Variants in AGAP1 observed in about 807,000 individuals in gnomAD.
AGAP1 encodes ArfGAP with GTPase domain, ankyrin repeat and PH domain 1.
AGAP1 carries 29 observed loss-of-function variants against 105.3 expected under a neutral mutation model. The ratio of observed to expected loss-of-function variants is 0.28; its 90% CI spans 0.21 to 0.38. AGAP1 has a LOEUF of 0.38. Ranked by LOEUF, AGAP1 falls within the 10% of genes least tolerant of loss-of-function variation. AGAP1 has a pLI of 1.00. For missense variants in AGAP1, 998 were observed against 1,165.1 expected (o/e 0.86, Z 2.09); for synonymous variants, 509 against 485.9 (o/e 1.05, Z -0.63).
chr2:235,797,676 G>T (rs576060271), intron 6 of AGAP1, 83 bp from the exon 7 acceptor site: 4 of 1,542,028 alleles, frequency 2.6e-6, no homozygotes, highest in South Asian at 2.3e-5. Flanking sequence ...AACAGATTTC[G>T]ACAACAGACT....
At chr2:235,685,634 C>G (rs750515491) in intron 1 of AGAP1, among the ~76,000 whole-genome samples, 1 of 151,868 alleles carries the variant, frequency 6.6e-6, no homozygotes, top group Non-Finnish European at 1.5e-5. Flanking sequence ...GTTTTCAAAA[C>G]ACAATGAAAA....
Position 235,919,503 on chromosome 2 carries a change from C to A in AGAP1, c.1324+10597C>A, listed in dbSNP as rs765150971. Among the ~76,000 whole-genome samples the A allele has an allele frequency of 2.0e-5, 3 of 152,126 alleles. No individual in the cohort carries two copies. Among genetic ancestry groups the A allele is most frequent in the Non-Finnish European group, 4.4e-5 (3 of 68,030 alleles). On this transcript the variant is annotated intron_variant, in intron 11 of 17. Coordinates refer to ENST00000304032, the MANE Select transcript of AGAP1 (RefSeq NM_001037131.3). This position sits in a 1 kb window ranked among gnomAD's most constrained non-coding sequence, Gnocchi z 4.1. ...TGTGAGCCCGGGGTACTCCTTGGTGCTTTGTCTTCCCTGTGTCATTGCTGG... is the reference window on the plus strand; with the variant it reads ...TGTGAGCCCGGGGTACTCCTTGGTGATTTGTCTTCCCTGTGTCATTGCTGG...
chr2:235,941,866 C>T (rs765951155), intron 12 of AGAP1, among the ~76,000 whole-genome samples: 1 of 151,758 alleles, frequency 6.6e-6, no homozygotes, highest in Non-Finnish European at 1.5e-5. Flanking sequence ...GTAAGAAGGG[C>T]GGACACTGAA....
chr2:235,807,308 G>C lies in AGAP1; in HGVS notation c.1027G>C (p.Gly343Arg). 1 of 1,597,926 alleles carries C rather than the reference G, an allele frequency of 6.3e-7. No homozygotes were observed. Among genetic ancestry groups the C allele is most frequent in the Non-Finnish European group, 8.5e-7 (1 of 1,175,728 alleles). ...GAGTCGTGCGGACAGCATTGGGAGC[G>C]GCCGAGCCATCCCAATTAAACAGGT... ...LESRADSIGS[G>R]RAIPIKQGML... The change falls in exon 9 of 18, where the codon GGC (glycine) becomes CGC (arginine). Residue 343 changes from glycine (G) to arginine (R), a missense_variant. Coordinates refer to ENST00000304032, the MANE Select transcript of AGAP1 (RefSeq NM_001037131.3).
chr2:236,106,531 G>C (rs1267479298), intron 16 of AGAP1, among the ~76,000 whole-genome samples: 1 of 152,228 alleles, frequency 6.6e-6, no homozygotes, highest in East Asian at 1.9e-4. Flanking sequence ...TCCCAAGTAG[G>C]CAGTGAAAAG....
At chr2:235,803,786 C>T (rs555388111) in intron 8 of AGAP1, among the ~76,000 whole-genome samples, 57 of 152,092 alleles carry the variant, frequency 3.7e-4, no homozygotes, top group African/African-American at 1.3e-3. Context: ...CTGTATTAGT[C>T]CAAATTATAT....
chr2:235,642,096 G>C lies in AGAP1; in HGVS notation c.164-67083G>C, dbSNP rs963360069. 5.9e-5 allele frequency among the ~76,000 whole-genome samples: 9 copies of C among 152,240 alleles called. No individual in the cohort carries two copies. The highest frequency in any genetic ancestry group is 1.3e-4 in the Non-Finnish European group (9 of 68,048). On this transcript the variant is annotated intron_variant, in intron 1 of 17. Transcript: ENST00000304032. The surrounding 1 kb of genome is among the most constrained non-coding windows in gnomAD (Gnocchi z 4.1). ...TCAGGTCCCAGGGGTGCACATGCCTGTGTTTTTACCTTACTTCCCCAGGGG... is the reference window on the plus strand; with the variant it reads ...TCAGGTCCCAGGGGTGCACATGCCTCTGTTTTTACCTTACTTCCCCAGGGG...
intron 13 of AGAP1, among the ~76,000 whole-genome samples, chr2:236,004,502 A>G (rs970088352): frequency 3.3e-5 from 5 of 152,238 alleles, no homozygotes; most frequent in African/African-American, 9.6e-5. Flanking sequence ...AATTTCAAGC[A>G]GTGTTCTGCG....
intron 1 of AGAP1, among the ~76,000 whole-genome samples, chr2:235,540,367 G>A (rs1438462552): frequency 6.6e-6 from 1 of 152,032 alleles, no homozygotes; most frequent in African/African-American, 2.4e-5. Flanking sequence ...TGACCAGGCT[G>A]GTCTCAAACT....
rs1957051365 is a variant in AGAP1, at chr2:235,792,696, A to G, written c.674-5063A>G. Among the ~76,000 whole-genome samples the G allele has an allele frequency of 6.6e-6, 1 of 152,222 alleles. No homozygotes were observed. Among genetic ancestry groups the G allele is most frequent in the African/African-American group, 2.4e-5 (1 of 41,472 alleles). On this transcript the variant is annotated intron_variant, in intron 6 of 17. Coordinates refer to ENST00000304032, the MANE Select transcript of AGAP1 (RefSeq NM_001037131.3). The surrounding 1 kb of genome is among the most constrained non-coding windows in gnomAD (Gnocchi z 5.3). ...TCCATGGTGAAGAGCGGGTTGTGCC[A>G]TCGACTGAGCTAGAAAACAGACGAG...
chr2:235,583,595 G>A lies in AGAP1; in HGVS notation c.163+88746G>A, dbSNP rs1176810267. On this transcript the variant is annotated intron_variant, in intron 1 of 17. Transcript: ENST00000304032. ...TTTTTGGTAAAGATAGGGTCTCAGA[G>A]GTTTGGTGTGGTGGCTCATGCCTGT... Among the ~76,000 whole-genome samples, 7 of 149,352 alleles carry A rather than the reference G, an allele frequency of 4.7e-5. No homozygotes were observed. In the East Asian group the frequency reaches 1.2e-3, roughly 25 times the overall value.
rs756182907 is a variant in AGAP1, at chr2:235,900,289, C to T, written c.1156-8449C>T. 6.6e-6 allele frequency among the ~76,000 whole-genome samples: 1 copy of T among 152,152 alleles called. No homozygotes were observed. Among genetic ancestry groups the T allele is most frequent in the Non-Finnish European group, 1.5e-5 (1 of 68,044 alleles). The stretch of plus-strand genomic sequence containing the variant: ...TCTTGATAGTCTGGGTCAGTCACTC[C>T]AGCCAACACTGTAACTTCCTTCTTA... On this transcript the variant is annotated intron_variant, in intron 10 of 17. Coordinates refer to ENST00000304032, the MANE Select transcript of AGAP1 (RefSeq NM_001037131.3). This position sits in a 1 kb window ranked among gnomAD's most constrained non-coding sequence, Gnocchi z 5.5.
rs2051031011 is a variant in AGAP1 at position 235,900,814 on chromosome 2, A to G, written c.1156-7924A>G. On this transcript the variant is annotated intron_variant, in intron 10 of 17. Coordinates refer to ENST00000304032, the MANE Select transcript of AGAP1 (RefSeq NM_001037131.3). The surrounding 1 kb of genome is among the most constrained non-coding windows in gnomAD (Gnocchi z 5.5). ...ATTGGCCAGGTGCCTTCCTCCTGCC[A>G]TGGCTGCTGGTCACTGTCATGCACT... Among the ~76,000 whole-genome samples the G allele has an allele frequency of 1.3e-5, 2 of 152,228 alleles. No individual in the cohort carries two copies. Among genetic ancestry groups the G allele is most frequent in the Admixed American group, 6.5e-5 (1 of 15,284 alleles).
chr2:235,590,160 C>T (rs1051492257), intron 1 of AGAP1, among the ~76,000 whole-genome samples: 4 of 152,194 alleles, frequency 2.6e-5, no homozygotes, highest in Non-Finnish European at 5.9e-5. Flanking sequence ...GGATTCCAGG[C>T]GTGAGCCACC....
chr2:235,820,938 C>G (rs1958753691), intron 9 of AGAP1, among the ~76,000 whole-genome samples: 1 of 152,198 alleles, frequency 6.6e-6, no homozygotes, highest in Admixed American at 6.5e-5. Context: ...TGGAAATGCA[C>G]TGCTATAGTC....
intron 12 of AGAP1, among the ~76,000 whole-genome samples, chr2:235,954,256 A>G (rs968780403): frequency 1.5e-5 from 2 of 137,288 alleles, no homozygotes; most frequent in Non-Finnish European, 3.2e-5. Context: ...AAAAAAAAAA[A>G]TCAGAGGGAC....
rs1952109152 is a variant in AGAP1, at chr2:235,734,200, C to G, written c.311-6763C>G. Among the ~76,000 whole-genome samples, 1 of 152,210 alleles carries G rather than the reference C, an allele frequency of 6.6e-6. No individual in the cohort carries two copies. Among genetic ancestry groups the G allele is most frequent in the Non-Finnish European group, 1.5e-5 (1 of 68,046 alleles). On this transcript the variant is annotated intron_variant, in intron 3 of 17. Coordinates refer to ENST00000304032, the MANE Select transcript of AGAP1 (RefSeq NM_001037131.3). The surrounding 1 kb of genome is among the most constrained non-coding windows in gnomAD (Gnocchi z 5.3). ...TTTGCAGATTTTCTCCCGATGTCAT[C>G]ATGGCACTCAGTAACAAGGAATATT... is the stretch of plus-strand genomic sequence containing the variant.
At chr2:235,784,362 A>G (rs543360043) in intron 6 of AGAP1, among the ~76,000 whole-genome samples, 1 of 152,230 alleles carries the variant, frequency 6.6e-6, no homozygotes, top group African/African-American at 2.4e-5. Context: ...AGAAAAGAAT[A>G]CTTTGACTTC....
At position 235,872,668 on chromosome 2, in the gene AGAP1, G is replaced by A. The variant is rs891910444; in HGVS notation, c.1051-10677G>A. Among the ~76,000 whole-genome samples, 1 of 152,100 alleles carries A rather than the reference G, an allele frequency of 6.6e-6. No homozygotes were observed. Among genetic ancestry groups the A allele is most frequent in the Admixed American group, 6.5e-5 (1 of 15,270 alleles). On this transcript the variant is annotated intron_variant, in intron 9 of 17. Transcript: ENST00000304032. This position sits in a 1 kb window ranked among gnomAD's most constrained non-coding sequence, Gnocchi z 4.5. ...CTTAGAGTAGGAAGTGTGAAAGTTC[G>A]GACTGATTGAACATAGAGGAGGCTG...
Sources: allele counts gnomAD v4.1 joint callset (sites outside exome capture counted in the v4.1 genomes callset), GRCh38; gene constraint gnomAD v4.1.1; non-coding constraint Gnocchi (gnomAD v3.1); transcripts MANE v1.5; gene names NCBI Gene and HGNC (gene_info 2026-07-23, HGNC 2026-07-21).